The following C19orf44 variants were observed in gnomAD, a reference collection of about 807,000 sequenced individuals.
C19orf44 encodes chromosome 19 open reading frame 44, also known as uncharacterized protein C19orf44.
In C19orf44, 43 loss-of-function variants were observed where a neutral mutation model predicts 50.7. That is an observed-to-expected ratio of 0.85 (90% confidence interval 0.66 to 1.09). The LOEUF (loss-of-function observed/expected upper bound fraction) is 1.09, where lower values mean the gene tolerates loss of function less well. Ranked by LOEUF, C19orf44 falls within the 50% of genes least tolerant of loss-of-function variation. The pLI, the probability that C19orf44 is intolerant of heterozygous loss-of-function variation, is 0.00. For missense variants in C19orf44, 722 were observed against 836.2 expected (o/e 0.86, Z 1.68); for synonymous variants, 298 against 334.7 (o/e 0.89, Z 1.20).
rs1281310118 is a variant in C19orf44, at chr19:16,519,790, C to T, written c.*41-304C>T. 1 of 1,284,820 alleles carries T rather than the reference C, an allele frequency of 7.8e-7. No individual in the cohort carries two copies. The highest frequency in any genetic ancestry group is 2.3e-5 in the East Asian group (1 of 43,230). 79.6% of individuals were successfully genotyped at this position (1,284,820 alleles called of 1,614,324 possible). A position where few individuals can be genotyped will look rare whatever the true frequency, so the allele number is the denominator to read the frequency against. ...TGGAATGACAGTGATGAGGACCTCA[C>T]AGCCGCAGCTTGCGTGCATGCTCAC... On this transcript the variant is annotated intron_variant, in intron 8 of 8. Coordinates refer to ENST00000221671, the MANE Select transcript of C19orf44 (RefSeq NM_032207.4). This position sits in a 1 kb window ranked among gnomAD's most constrained non-coding sequence, Gnocchi z 6.0.
chr19:16,500,933 T>C lies in C19orf44; in HGVS notation c.141T>C (p.His47=), dbSNP rs112143089. ...ATCTTACCAAAATAGCACCTGGTCA[T>C]AGCAGATTTCTAAAAAGAAACCAAA... ...SRNLTKIAPG[H]SRFLKRNQTL... Residue 47 remains histidine (H), a synonymous_variant, in exon 2 of 9, where the codon CAT becomes CAC. Coordinates refer to ENST00000221671, the MANE Select transcript of C19orf44 (RefSeq NM_032207.4). The C allele has an allele frequency of 6.2e-7, 1 of 1,613,870 alleles. No individual in the cohort carries two copies. Among genetic ancestry groups the C allele is most frequent in the Non-Finnish European group, 8.5e-7 (1 of 1,179,976 alleles).
rs774156051 is a variant in C19orf44, at chr19:16,509,802, G to A, written c.1453G>A (p.Ala485Thr). The change falls in exon 5 of 9, where the codon GCC (alanine) becomes ACC (threonine). Residue 485 changes from alanine to threonine, a missense_variant. By Grantham distance (58) the Ala-to-Thr change is moderately conservative. Coordinates refer to ENST00000221671, the MANE Select transcript of C19orf44 (RefSeq NM_032207.4). ...AAGTCTGACAGCATCTGAGCCAACC[G>A]CCCATTCCAAGGAGTCTCTTGACAG... ...SPSLTASEPTAHSKESLDRTL... is the reference protein window; with the variant it reads ...SPSLTASEPTTHSKESLDRTL... 14 of 1,614,112 alleles carry A rather than the reference G, an allele frequency of 8.7e-6. No homozygotes were observed. Among genetic ancestry groups the A allele is most frequent in the Admixed American group, 1.7e-5 (1 of 60,006 alleles).
rs1372935782 is a variant in C19orf44, at chr19:16,517,329, G to A, written c.*28G>A. On this transcript the variant is annotated 3_prime_UTR_variant, in exon 8 of 9. Coordinates refer to ENST00000221671, the MANE Select transcript of C19orf44 (RefSeq NM_032207.4). ...GCCAGCAGGTGGAGCTTGACGTGAC[G>A]TCTTAACAAAAGGTATCCCGTCCTG... is the stretch of plus-strand genomic sequence containing the variant. The A allele has an allele frequency of 5.6e-6, 9 of 1,604,724 alleles. No individual in the cohort carries two copies. The highest frequency in any genetic ancestry group is 3.3e-5 in the Admixed American group (2 of 59,794).
At position 16,509,941 on chromosome 19, in the gene C19orf44, C is replaced by G. The variant is rs1290131919; in HGVS notation, c.1592C>G (p.Thr531Arg). The G allele has an allele frequency of 6.2e-7, 1 of 1,614,148 alleles. No individual in the cohort carries two copies. The highest frequency in any genetic ancestry group is 8.5e-7 in the Non-Finnish European group (1 of 1,180,062). Residue 531 changes from threonine (T) to arginine (R), a missense_variant, in exon 5 of 9, where the codon ACA becomes AGA. By Grantham distance (71) the Thr-to-Arg change is moderately conservative. Coordinates refer to ENST00000221671, the MANE Select transcript of C19orf44 (RefSeq NM_032207.4). The stretch of plus-strand genomic sequence containing the variant: ...GTGACAAGAGTGCTTGTGAAGGACA[C>G]AGCTGTGCAGACGCCAGATCCTGCC... ...RHVTRVLVKD[T>R]AVQTPDPAFT...
Position 16,520,027 on chromosome 19 carries a change from G to A in C19orf44, c.*41-67G>A, listed in dbSNP as rs2085594250. The A allele has an allele frequency of 2.9e-6, 3 of 1,042,464 alleles. No homozygotes were observed. In the Admixed American group the frequency reaches 6.0e-5, roughly 21 times the overall value. The allele number at this position is 1,042,464 out of a possible 1,614,324, so 64.6% of individuals were successfully genotyped here. A position where few individuals can be genotyped will look rare whatever the true frequency, so the allele number is the denominator to read the frequency against. On this transcript the variant is annotated intron_variant, in intron 8 of 8. Transcript: ENST00000221671. This position sits in a 1 kb window ranked among gnomAD's most constrained non-coding sequence, Gnocchi z 4.0. The stretch of plus-strand genomic sequence containing the variant: ...GTGGTGAAGGGTGAGGGGTGCCACT[G>A]TCCCCGGGCTAATGCTGGCGGCCTC...
At chr19:16,516,063 G>A (rs2093470761) in intron 7 of C19orf44, among the ~76,000 whole-genome samples, 1 of 152,178 alleles carries the variant, frequency 6.6e-6, no homozygotes, top group Non-Finnish European at 1.5e-5. Context: ...CTCCCAAAGT[G>A]CTGGGATTAT....
chr19:16,508,048 G>A (rs1317255442), intron 4 of C19orf44, among the ~76,000 whole-genome samples: 4 of 150,140 alleles, frequency 2.7e-5, no homozygotes, highest in East Asian at 2.0e-4. Context: ...CTCGTGATCC[G>A]CCCGCCTCGG....
At chr19:16,497,555 G>A (rs191957546) in intron 1 of C19orf44, among the ~76,000 whole-genome samples, 2 of 151,078 alleles carry the variant, frequency 1.3e-5, no homozygotes, top group East Asian at 4.0e-4. Flanking sequence ...TTTACCATGT[G>A]TGTCAGGCTG....
intron 3 of C19orf44, 141 bp downstream of exon 3, chr19:16,503,521 C>G: frequency 1.1e-6 from 1 of 875,106 alleles, no homozygotes; most frequent in South Asian, 1.8e-5. Flanking sequence ...TTCTAACTTT[C>G]TTGTCTGGTT....
In C19orf44 at chr19:16,520,792, G is replaced by GC. The variant is rs752530684; in HGVS notation, c.*745dup. 5.0e-6 allele frequency: 8 copies of GC among 1,595,646 alleles called. No homozygotes were observed. The South Asian group carries it at 6.6e-5, about 13-fold the overall frequency. Reference sequence around the variant, plus strand: ...CACCCATCACAAGCTGTGGACCCTGGCCCCCCGGCCACTGCAGACATCTGC... The same window carrying GC: ...CACCCATCACAAGCTGTGGACCCTGGCCCCCCCGGCCACTGCAGACATCTGC... On this transcript the variant is annotated 3_prime_UTR_variant, in exon 9 of 9. Coordinates refer to ENST00000221671, the MANE Select transcript of C19orf44 (RefSeq NM_032207.4). The surrounding 1 kb of genome is among the most constrained non-coding windows in gnomAD (Gnocchi z 4.0).
intron 4 of C19orf44, 104 bp downstream of exon 4, chr19:16,506,878 G>A (rs773059019): frequency 7.6e-5 from 61 of 804,530 alleles, no homozygotes; most frequent in Non-Finnish European, 1.2e-4. Context: ...GTCTCACTAT[G>A]TTGCCCAGGC....
At position 16,520,602 on chromosome 19, in the gene C19orf44, G is replaced by C; in HGVS notation, c.*549G>C. 7.0e-7 allele frequency: 1 copy of C among 1,423,058 alleles called. No homozygotes were observed. The highest frequency in any genetic ancestry group is 1.3e-5 in the South Asian group (1 of 76,994). The allele number at this position is 1,423,058 out of a possible 1,614,324, so 88.2% of individuals were successfully genotyped here. A position where few individuals can be genotyped will look rare whatever the true frequency, so the allele number is the denominator to read the frequency against. ...GTTCCTAGACCACCCCAGATGCAGG[G>C]GCTCTGGCTGTGGATGTGGCGCCAT... On this transcript the variant is annotated 3_prime_UTR_variant, in exon 9 of 9. Coordinates refer to ENST00000221671, the MANE Select transcript of C19orf44 (RefSeq NM_032207.4). This position sits in a 1 kb window ranked among gnomAD's most constrained non-coding sequence, Gnocchi z 4.0.
chr19:16,503,287 A>T lies in C19orf44; in HGVS notation c.982A>T (p.Met328Leu), dbSNP rs1177966474. 2 of 1,614,100 alleles carry T rather than the reference A, an allele frequency of 1.2e-6. No homozygotes were observed. The highest frequency in any genetic ancestry group is 1.7e-6 in the Non-Finnish European group (2 of 1,180,036). ...CTTTTCAAACTCAGTGTCTTTAAAG[A>T]TGGGGCATGTCAAGCTTGTGTCCTC... ...GAFSNSVSLK[M>L]GHVKLVSSPG... Residue 328 changes from methionine to leucine, a missense_variant, in exon 3 of 9, where the codon ATG becomes TTG. By Grantham distance (15) the Met-to-Leu change is conservative (BLOSUM62 2). Transcript: ENST00000221671.
chr19:16,509,225 A>G (rs1025630051), intron 4 of C19orf44, among the ~76,000 whole-genome samples: 3 of 152,076 alleles, frequency 2.0e-5, no homozygotes, highest in African/African-American at 7.2e-5. Context: ...TCAACCACCT[A>G]AAGTCCTTAA....
At chr19:16,506,890 G>A (rs750784925) in intron 4 of C19orf44, 116 bp downstream of exon 4, 30 of 694,834 alleles carry the variant, frequency 4.3e-5, no homozygotes, top group East Asian at 2.9e-4. Flanking sequence ...TGCCCAGGCC[G>A]TCCTCAAACT....
rs1056789687 is a variant in C19orf44 at position 16,520,666 on chromosome 19, C to G, written c.*613C>G. 2 of 1,137,344 alleles carry G rather than the reference C, an allele frequency of 1.8e-6. No individual in the cohort carries two copies. The highest frequency in any genetic ancestry group is 3.1e-5 in the African/African-American group (2 of 65,224). The allele number at this position is 1,137,344 out of a possible 1,614,324, so 70.5% of individuals were successfully genotyped here. ...GTACCAAGTTCCTAAATAGTGTGGC[C>G]GAGCCTGCTGCTGTGTGAATTCAGG... On this transcript the variant is annotated 3_prime_UTR_variant, in exon 9 of 9. Transcript: ENST00000221671. The surrounding 1 kb of genome is among the most constrained non-coding windows in gnomAD (Gnocchi z 4.0).
At chr19:16,516,617 G>A (rs1354073129) in intron 7 of C19orf44, among the ~76,000 whole-genome samples, 2 of 152,184 alleles carry the variant, frequency 1.3e-5, no homozygotes, top group Admixed American at 6.5e-5. Context: ...CTGAGCGGTT[G>A]GGGATCCCCT....
rs756073383 is a variant in C19orf44, at chr19:16,501,478, C to T, written c.686C>T (p.Ser229Phe). ...KVLLGSLMDS[S>F]REKNTNQGFS... ...TTGCTAGGAAGCTTGATGGACTCTTCTAGAGAAAAAAACACGAATCAAGGC... is the reference window on the plus strand; with the variant it reads ...TTGCTAGGAAGCTTGATGGACTCTTTTAGAGAAAAAAACACGAATCAAGGC... Residue 229 changes from serine (S) to phenylalanine (F), a missense_variant, in exon 2 of 9, where the codon TCT (serine) becomes TTT (phenylalanine). Physicochemically the swap from Ser to Phe is radical, Grantham distance 155. Transcript: ENST00000221671. 1.9e-6 allele frequency: 3 copies of T among 1,603,262 alleles called. No homozygotes were observed. The highest frequency in any genetic ancestry group is 1.1e-5 in the South Asian group (1 of 88,656).
chr19:16,501,348 C>T lies in C19orf44; in HGVS notation c.556C>T (p.Pro186Ser). 1.2e-6 allele frequency: 2 copies of T among 1,614,004 alleles called. No homozygotes were observed. The highest frequency in any genetic ancestry group is 1.7e-6 in the Non-Finnish European group (2 of 1,180,024). The change falls in exon 2 of 9, where the codon CCT (proline) becomes TCT (serine). Residue 186 changes from proline (P) to serine (S), a missense_variant. Coordinates refer to ENST00000221671, the MANE Select transcript of C19orf44 (RefSeq NM_032207.4). ...ACAAGCACCTGTTGAAAACATATCC[C>T]CTGAAGCACCTGCTGGGAAAGAGAG... ...KKQAPVENIS[P>S]EAPAGKERTL...
Sources: gnomAD v4.1 joint callset for allele counts (sites outside exome capture counted in the v4.1 genomes callset) on GRCh38, gnomAD v4.1.1 for gene constraint, Gnocchi (gnomAD v3.1) non-coding constraint, MANE v1.5 for transcripts, NCBI Gene and HGNC (gene_info 2026-07-23, HGNC 2026-07-21) for gene names.